Variants in ERBB4 observed in about 807,000 individuals in gnomAD.
The protein encoded by ERBB4 is receptor tyrosine-protein kinase erbB-4.
ERBB4 carries 42 observed loss-of-function variants against 158.0 expected under a neutral mutation model. The observed-to-expected ratio is 0.27, with a 90% CI of 0.21 to 0.34. ERBB4 has a LOEUF of 0.34. Among genes scored for constraint, ERBB4 ranks in the 10% least tolerant of loss-of-function variants. ERBB4 has a pLI of 1.00. For synonymous variants in ERBB4, 583 were observed against 558.7 expected (o/e 1.04, Z -0.61); for missense variants, 1,333 against 1,624.1 (o/e 0.82, Z 3.08).
At chr2:211,784,462 T>C (rs1465467101) in intron 4 of ERBB4, among the ~76,000 whole-genome samples, 4 of 152,248 alleles carry the variant, frequency 2.6e-5, no homozygotes, top group Admixed American at 6.5e-5. Flanking sequence ...TAATATTTCA[T>C]CATTGTATGT....
intron 1 of ERBB4, among the ~76,000 whole-genome samples, chr2:212,522,239 G>A (rs1692210353): frequency 6.6e-6 from 1 of 151,918 alleles, no homozygotes; most frequent in East Asian, 1.9e-4. Flanking sequence ...GTAAAATAAG[G>A]ATGGTAGTGT....
intron 1 of ERBB4, among the ~76,000 whole-genome samples, chr2:212,230,104 G>A (rs1276272291): frequency 6.6e-6 from 1 of 152,118 alleles, no homozygotes; most frequent in Non-Finnish European, 1.5e-5. Flanking sequence ...GGCCAACACG[G>A]TGAAACCCTA....
Position 211,562,484 on chromosome 2 carries a change from G to A in ERBB4, c.2302-396C>T, listed in dbSNP as rs148293181. ...ATAATGTATACAAATTTAGTTAGTT[G>A]CAGGTAGAGTAAGGTGAGCTGAACT... On this transcript the variant is annotated intron_variant, in intron 19 of 27. Coordinates refer to ENST00000342788, the MANE Select transcript of ERBB4 (RefSeq NM_005235.3). 4.6e-5 allele frequency among the ~76,000 whole-genome samples: 7 copies of A among 152,224 alleles called. No individual in the cohort carries two copies. The East Asian group carries it at 9.7e-4, about 21-fold the overall frequency.
intron 1 of ERBB4, among the ~76,000 whole-genome samples, chr2:212,206,680 G>T (rs2082766157): frequency 6.7e-6 from 1 of 148,338 alleles, no homozygotes; most frequent in African/African-American, 2.5e-5. Context: ...TCCGCCTCCC[G>T]GGTTCACGCC....
chr2:211,750,566 G>C, intron 5 of ERBB4, 73 bp downstream of exon 5: 1 of 1,253,156 alleles, frequency 8.0e-7, no homozygotes, highest in Non-Finnish European at 1.2e-6. Context: ...GATGACCAGA[G>C]GCATGAAATG....
chr2:212,387,886 C>T (rs951515970), intron 1 of ERBB4, among the ~76,000 whole-genome samples: 1 of 152,080 alleles, frequency 6.6e-6, no homozygotes, highest in East Asian at 1.9e-4. Context: ...AAGATGGCTG[C>T]ATACATACTA....
At chr2:211,972,691 T>A (rs186152778) in intron 2 of ERBB4, among the ~76,000 whole-genome samples, 2 of 152,326 alleles carry the variant, frequency 1.3e-5, no homozygotes, top group Admixed American at 1.3e-4. Context: ...GTGGGATAAC[T>A]GGCCAGCCAT....
intron 2 of ERBB4, among the ~76,000 whole-genome samples, chr2:212,079,294 C>T (rs942689905): frequency 6.6e-6 from 1 of 151,818 alleles, no homozygotes; most frequent in Admixed American, 6.6e-5. Context: ...TATTTTCATT[C>T]TTAATCGCTC....
At chr2:211,524,597 C>T (rs1206476323) in intron 20 of ERBB4, among the ~76,000 whole-genome samples, 1 of 152,098 alleles carries the variant, frequency 6.6e-6, no homozygotes, top group African/African-American at 2.4e-5. Context: ...GGACCCAGTA[C>T]ACCCTCCGCA....
At chr2:211,735,830 A>G (rs1253959703) in intron 5 of ERBB4, among the ~76,000 whole-genome samples, 2 of 151,942 alleles carry the variant, frequency 1.3e-5, no homozygotes, top group East Asian at 1.9e-4. Flanking sequence ...TTTTCTCCTC[A>G]TAGAACACGT....
intron 4 of ERBB4, among the ~76,000 whole-genome samples, chr2:211,753,213 G>A (rs1209494183): frequency 6.6e-6 from 1 of 151,474 alleles, no homozygotes; most frequent in African/African-American, 2.4e-5. Context: ...TGTAACCTTA[G>A]TTTGATTCTT....
Position 211,703,695 on chromosome 2 carries a change from C to T in ERBB4, c.1289+409G>A, listed in dbSNP as rs930934716. 9.2e-5 allele frequency among the ~76,000 whole-genome samples: 14 copies of T among 152,212 alleles called. No homozygotes were observed. The East Asian group carries it at 9.7e-4, about 11-fold the overall frequency. ...AGTTCCTAAAACATCAGCCCTGTGA[C>T]GTGTAGTTCAATTATAGCACCAGAG... is the stretch of plus-strand genomic sequence containing the variant. On this transcript the variant is annotated intron_variant, in intron 11 of 27. Coordinates refer to ENST00000342788, the MANE Select transcript of ERBB4 (RefSeq NM_005235.3).
chr2:212,166,473 G>T (rs780277240), intron 1 of ERBB4, among the ~76,000 whole-genome samples: 2 of 151,594 alleles, frequency 1.3e-5, no homozygotes, highest in Non-Finnish European at 2.9e-5. Flanking sequence ...TATCCTCATG[G>T]ATAGGAAGAA....
At chr2:211,553,347 T>C (rs1373796803) in intron 20 of ERBB4, among the ~76,000 whole-genome samples, 2 of 152,112 alleles carry the variant, frequency 1.3e-5, no homozygotes, top group Non-Finnish European at 2.9e-5. Context: ...TAGGAAAGCA[T>C]ATGTGGATGA....
At chr2:211,640,823 C>T (rs960457441) in intron 16 of ERBB4, among the ~76,000 whole-genome samples, 5 of 152,018 alleles carry the variant, frequency 3.3e-5, no homozygotes, top group African/African-American at 1.2e-4. Context: ...AATGTATTAA[C>T]AGCAGCAAAA....
chr2:212,309,376 T>G (rs1188117476), intron 1 of ERBB4, among the ~76,000 whole-genome samples: 2 of 150,892 alleles, frequency 1.3e-5, no homozygotes, highest in East Asian at 3.9e-4. Flanking sequence ...GAATACTTAT[T>G]ATAAAATAAA....
intron 20 of ERBB4, among the ~76,000 whole-genome samples, chr2:211,491,839 A>C (rs2065351067): frequency 1.3e-5 from 2 of 152,110 alleles, no homozygotes; most frequent in Admixed American, 1.3e-4. Flanking sequence ...CATTTGGGTC[A>C]TATATCCAGT....
At chr2:211,439,641 A>C (rs1054007692) in intron 20 of ERBB4, among the ~76,000 whole-genome samples, 1 of 152,190 alleles carries the variant, frequency 6.6e-6, no homozygotes, top group Non-Finnish European at 1.5e-5. Context: ...CCTTTGGACA[A>C]GTTATTTTAC....
At chr2:211,729,377 T>C (rs151099785) in intron 5 of ERBB4, among the ~76,000 whole-genome samples, 125 of 151,950 alleles carry the variant, frequency 8.2e-4, no homozygotes, top group African/African-American at 2.9e-3. Context: ...CTTTTCACCA[T>C]CAACATTTTT....
Sources: gnomAD v4.1 joint callset for allele counts (sites outside exome capture counted in the v4.1 genomes callset) on GRCh38, gnomAD v4.1.1 for gene constraint, MANE v1.5 for transcripts, NCBI Gene and HGNC (gene_info 2026-07-23, HGNC 2026-07-21) for gene names.